Variants in IQCB1 observed in about 807,000 individuals in gnomAD.
IQCB1 encodes IQ calmodulin-binding motif-containing protein 1.
In IQCB1, 56 loss-of-function variants were observed where a neutral mutation model predicts 84.4. That is an observed-to-expected ratio of 0.66 (90% CI 0.54 to 0.83). IQCB1 has a LOEUF of 0.83. IQCB1 is among the 40% of genes least tolerant of loss of function. IQCB1 has a pLI of 0.00. For synonymous variants in IQCB1, 210 were observed against 234.8 expected, an observed-to-expected ratio of 0.89 and a Z score of 0.96; for missense variants, 629 against 682.1, an observed-to-expected ratio of 0.92 and a Z score of 0.87.
At chr3:121,786,197 A>AGAG (rs1948725604) in intron 12 of IQCB1, among the ~76,000 whole-genome samples, 33 of 145,374 alleles carry the variant, frequency 2.3e-4, no homozygotes, top group African/African-American at 8.0e-4. Flanking sequence ...AAAGAAAAGA[A>AGAG]AAGAAAAGAA....
At chr3:121,778,887 G>A (rs1183503185) in intron 13 of IQCB1, among the ~76,000 whole-genome samples, 3 of 138,888 alleles carry the variant, frequency 2.2e-5, no homozygotes, top group African/African-American at 2.7e-5. Context: ...TGACAACAGC[G>A]AAACTCTGTC....
At chr3:121,815,667 A>G (rs1194108371) in intron 5 of IQCB1, among the ~76,000 whole-genome samples, 2 of 152,194 alleles carry the variant, frequency 1.3e-5, no homozygotes, top group African/African-American at 4.8e-5. Flanking sequence ...ATTGCTACAA[A>G]CAGAATAAAA....
Position 121,781,805 on chromosome 3 carries a change from G to T in IQCB1, c.1348C>A (p.Leu450Ile). The T allele has an allele frequency of 1.9e-6, 3 of 1,613,812 alleles. No individual in the cohort carries two copies. The highest frequency in any genetic ancestry group is 2.5e-6 in the Non-Finnish European group (3 of 1,179,786). The change falls in exon 13 of 15, where the codon CTC (leucine) becomes ATC (isoleucine). Residue 450 changes from leucine to isoleucine, a missense_variant. Transcript: ENST00000310864. ...AGTTCAACTCGGCGTGCATCAGTGA[G>T]TTCTTGGAGTCCTCGCCAAGGAGCA... ...LFAPWRGLQE[L>I]TDARRVELKK... is the part of the protein sequence containing the mutation.
intron 2 of IQCB1, among the ~76,000 whole-genome samples, chr3:121,831,021 T>C (rs566569877): frequency 6.6e-6 from 1 of 152,106 alleles, no homozygotes; most frequent in Non-Finnish European, 1.5e-5. Flanking sequence ...GAAATCTCCA[T>C]AAAAGGCTCA....
chr3:121,804,139 T>C (rs958205330), intron 7 of IQCB1, among the ~76,000 whole-genome samples: 1 of 152,136 alleles, frequency 6.6e-6, no homozygotes, highest in African/African-American at 2.4e-5. Flanking sequence ...TCTCACAGTC[T>C]TATCACTTAT....
chr3:121,782,009 T>C (rs960595712), intron 12 of IQCB1, 135 bp from the exon 13 acceptor site: 3 of 840,986 alleles, frequency 3.6e-6, no homozygotes, highest in Admixed American at 2.0e-5. Context: ...GGAATGGGAC[T>C]GTGACAAAAT....
At chr3:121,816,960 G>A (rs977245718) in intron 5 of IQCB1, among the ~76,000 whole-genome samples, 1 of 152,224 alleles carries the variant, frequency 6.6e-6, no homozygotes, top group African/African-American at 2.4e-5. Flanking sequence ...ACATGCACAC[G>A]TATGTTTACT....
chr3:121,799,173 A>G (rs1031658454), intron 8 of IQCB1, 23 bp downstream of exon 8: 9 of 1,578,618 alleles, frequency 5.7e-6, no homozygotes, highest in Admixed American at 3.4e-5. Context: ...GAATCCCAAG[A>G]AAAGAAAGAA....
At chr3:121,781,660 CACAATAT>C (rs1385882389) in intron 13 of IQCB1, 76 bp downstream of exon 13, 1 of 1,090,082 alleles carries the variant, frequency 9.2e-7, no homozygotes, top group Non-Finnish European at 1.3e-6. Flanking sequence ...CACACACACA[CACAATAT>C]ATGTGTGTGT....
chr3:121,805,680 C>T (rs1289604415), intron 7 of IQCB1, among the ~76,000 whole-genome samples: 1 of 152,118 alleles, frequency 6.6e-6, no homozygotes, highest in Admixed American at 6.6e-5. Context: ...TCCAGTTTGG[C>T]TGTTGGAAAC....
chr3:121,809,211 G>A (rs1476237101), intron 5 of IQCB1, among the ~76,000 whole-genome samples: 1 of 151,802 alleles, frequency 6.6e-6, no homozygotes, highest in Non-Finnish European at 1.5e-5. Context: ...ACTAGAAATG[G>A]TTGTTATCCA....
chr3:121,812,660 G>T (rs1470297474), intron 5 of IQCB1, among the ~76,000 whole-genome samples: 2 of 152,138 alleles, frequency 1.3e-5, no homozygotes, highest in African/African-American at 4.8e-5. Flanking sequence ...CTAGCAGAAG[G>T]AAGGATATAA....
chr3:121,791,452 G>A (rs1948967223), intron 10 of IQCB1, among the ~76,000 whole-genome samples: 1 of 152,178 alleles, frequency 6.6e-6, no homozygotes, highest in African/African-American at 2.4e-5. Flanking sequence ...TTAGGGCAGA[G>A]TAGAGAATTT....
At chr3:121,780,170 C>G (rs188232001) in intron 13 of IQCB1, among the ~76,000 whole-genome samples, 1 of 152,246 alleles carries the variant, frequency 6.6e-6, no homozygotes, top group East Asian at 1.9e-4. Context: ...ACTCTCAGTG[C>G]CATCTCCTTA....
At chr3:121,782,598 ATATT>A (rs1243311524) in intron 12 of IQCB1, among the ~76,000 whole-genome samples, 3 of 152,198 alleles carry the variant, frequency 2.0e-5, no homozygotes, top group Non-Finnish European at 2.9e-5. Context: ...AGGGAAAAGA[ATATT>A]TAGTGGCACG....
intron 7 of IQCB1, among the ~76,000 whole-genome samples, chr3:121,802,388 T>TC (rs1949439232): frequency 6.6e-6 from 1 of 152,150 alleles, no homozygotes; most frequent in African/African-American, 2.4e-5. Context: ...AATAAATTTG[T>TC]CCATTTGATC....
chr3:121,776,953 T>A (rs1197667780), intron 13 of IQCB1, among the ~76,000 whole-genome samples: 2 of 152,254 alleles, frequency 1.3e-5, no homozygotes, highest in African/African-American at 4.8e-5. Context: ...CTTGTTTCTT[T>A]AATTCTGTTA....
chr3:121,775,587 T>C (rs1031970880), intron 13 of IQCB1, among the ~76,000 whole-genome samples: 2 of 152,180 alleles, frequency 1.3e-5, no homozygotes, highest in African/African-American at 4.8e-5. Flanking sequence ...CAAACCTGCA[T>C]GTTCTGCACA....
intron 2 of IQCB1, among the ~76,000 whole-genome samples, chr3:121,832,327 A>ATTTT (rs66929099): frequency 0.21 from 27,782 of 135,324 alleles, 3,278 homozygotes; most frequent in Non-Finnish European, 0.28. Flanking sequence ...TAATTTTACA[A>ATTTT]TTTTTTTTTT....
Sources: allele counts gnomAD v4.1 joint callset (sites outside exome capture counted in the v4.1 genomes callset), GRCh38; gene constraint gnomAD v4.1.1; transcripts MANE v1.5; gene names NCBI Gene and HGNC (gene_info 2026-07-23, HGNC 2026-07-21).